TOX: variants seen among roughly 807,000 people sequenced by gnomAD.
TOX encodes thymocyte selection associated high mobility group box.
In TOX, 11 loss-of-function variants were observed where a neutral mutation model predicts 53.7. The observed-to-expected ratio is 0.20, with a 90% confidence interval of 0.13 to 0.34. The LOEUF is 0.34. Among genes scored for constraint, TOX ranks in the 10% least tolerant of loss-of-function variants. TOX has a pLI of 1.00. For missense variants in TOX, 570 were observed against 664.6 expected, an observed-to-expected ratio of 0.86 and a Z score of 1.56; for synonymous variants, 225 against 245.3, an observed-to-expected ratio of 0.92 and a Z score of 0.77.
chr8:59,084,682 T>G (rs1270767890), intron 1 of TOX, among the ~76,000 whole-genome samples: 1 of 152,230 alleles, frequency 6.6e-6, no homozygotes, highest in East Asian at 1.9e-4. Context: ...TTCTCTCCTG[T>G]CTTCCCACTG....
At chr8:58,814,295 C>T (rs1369270671) in intron 7 of TOX, 1 of 151,982 alleles carries the variant, frequency 6.6e-6, no homozygotes, top group Non-Finnish European at 1.5e-5. Context: ...TCTGTGTTTG[C>T]CTTATATCCT....
chr8:58,895,322 A>C (rs72649494), intron 3 of TOX, among the ~76,000 whole-genome samples: 2,181 of 152,332 alleles, frequency 0.014, 32 homozygotes, highest in South Asian at 0.023. Flanking sequence ...TAGAGGGTCT[A>C]TCTGTATAAA....
At chr8:58,812,973 T>C (rs1387437861) in intron 7 of TOX, among the ~76,000 whole-genome samples, 1 of 152,156 alleles carries the variant, frequency 6.6e-6, no homozygotes, top group East Asian at 1.9e-4. Flanking sequence ...GTTAAAAGAG[T>C]TCTTAGTCAA....
chr8:58,809,875 A>C (rs746295404), intron 7 of TOX, among the ~76,000 whole-genome samples: 17 of 152,252 alleles, frequency 1.1e-4, no homozygotes, highest in Admixed American at 9.8e-4. Context: ...CTAGCCCATA[A>C]TAGTGGCTCA....
intron 3 of TOX, among the ~76,000 whole-genome samples, chr8:58,930,688 C>G (rs1392643006): frequency 6.6e-6 from 1 of 152,208 alleles, no homozygotes; most frequent in Non-Finnish European, 1.5e-5. Flanking sequence ...TACCCCTACA[C>G]ATGCCTGGAC....
At chr8:59,012,960 G>A (rs1353270477) in intron 1 of TOX, among the ~76,000 whole-genome samples, 1 of 150,754 alleles carries the variant, frequency 6.6e-6, no homozygotes, top group Non-Finnish European at 1.5e-5. Context: ...ACTGAGTCAG[G>A]AAACACTGGT....
At chr8:58,886,712 A>G (rs1811474437) in intron 3 of TOX, among the ~76,000 whole-genome samples, 1 of 152,074 alleles carries the variant, frequency 6.6e-6, no homozygotes, top group Non-Finnish European at 1.5e-5. Flanking sequence ...CAGGTTTATA[A>G]TGGATACTCT....
At chr8:58,852,626 G>A (rs1810844109) in intron 3 of TOX, among the ~76,000 whole-genome samples, 1 of 152,138 alleles carries the variant, frequency 6.6e-6, no homozygotes. Flanking sequence ...TATAAGAGGA[G>A]TATGGAGAAT....
At chr8:58,899,165 T>G (rs13268621) in intron 3 of TOX, among the ~76,000 whole-genome samples, 83,961 of 152,078 alleles carry the variant, frequency 0.55, 23,685 homozygotes, top group African/African-American at 0.66. Flanking sequence ...GTGGTAAAGA[T>G]CTGTAAGGTA....
intron 1 of TOX, among the ~76,000 whole-genome samples, chr8:59,031,150 G>A (rs1387733959): frequency 3.9e-5 from 6 of 152,164 alleles, no homozygotes; most frequent in African/African-American, 1.4e-4. Flanking sequence ...AAAGAACAAG[G>A]AAGAGATGAA....
chr8:58,998,486 C>G (rs1310701668), intron 1 of TOX, among the ~76,000 whole-genome samples: 1 of 74,464 alleles, frequency 1.3e-5, no homozygotes, highest in African/African-American at 5.4e-5. Context: ...CAGACTCCAT[C>G]TCAAAAGTAT....
At chr8:59,098,886 TC>T in intron 1 of TOX, among the ~76,000 whole-genome samples, 1 of 151,976 alleles carries the variant, frequency 6.6e-6, no homozygotes, top group African/African-American at 2.4e-5. Context: ...TTTAATATGC[TC>T]CAGTTGCCCT....
Position 58,843,071 on chromosome 8 carries a change from T to C in TOX, c.694-4760A>G, listed in dbSNP as rs1025881189. ...TGAGAGGCACTAGACTCTAAAGCTA[T>C]GGTGTTGCCCCCATTAAAGCAGACT... is the stretch of plus-strand genomic sequence containing the variant. On this transcript the variant is annotated intron_variant, in intron 4 of 8. Transcript: ENST00000361421. 8.5e-5 allele frequency among the ~76,000 whole-genome samples: 13 copies of C among 152,358 alleles called. No individual in the cohort carries two copies. In the South Asian group the frequency reaches 1.2e-3, roughly 15 times the overall value.
At chr8:58,927,249 G>A (rs16924245) in intron 3 of TOX, among the ~76,000 whole-genome samples, 1,977 of 152,276 alleles carry the variant, frequency 0.013, 57 homozygotes, top group African/African-American at 0.046. Context: ...GAAGAGGGCA[G>A]AACTGTGAAT....
At position 58,988,790 on chromosome 8, in the gene TOX, TATTTC is replaced by T. The variant is rs1375466187; in HGVS notation, c.103-28787_103-28783del. Reference sequence around the variant, plus strand: ...AAGTGAGGTGTGTTATTTCATGCAGTATTTCCCAGACTTATTTGACTTATGGTGTA... The same window carrying T: ...AAGTGAGGTGTGTTATTTCATGCAGTCCAGACTTATTTGACTTATGGTGTA... On this transcript the variant is annotated intron_variant, in intron 1 of 8. Transcript: ENST00000361421. Among the ~76,000 whole-genome samples, 369 of 152,294 alleles carry T rather than the reference TATTTC, an allele frequency of 2.4e-3. 1 individual carries two copies. The highest frequency in any genetic ancestry group is 4.6e-3 in the Non-Finnish European group (312 of 68,028).
chr8:59,105,062 A>G (rs1351170782), intron 1 of TOX, among the ~76,000 whole-genome samples: 1 of 152,234 alleles, frequency 6.6e-6, no homozygotes, highest in Non-Finnish European at 1.5e-5. Flanking sequence ...CTGAAAATGA[A>G]TTAAGTGTCC....
chr8:59,043,521 C>G (rs768980754), intron 1 of TOX, among the ~76,000 whole-genome samples: 1 of 152,014 alleles, frequency 6.6e-6, no homozygotes, highest in Admixed American at 6.6e-5. Flanking sequence ...TATAGCTAAA[C>G]TAATGTTCAT....
intron 1 of TOX, among the ~76,000 whole-genome samples, chr8:59,086,521 T>G (rs1483935991): frequency 2.0e-5 from 3 of 152,224 alleles, no homozygotes; most frequent in African/African-American, 7.2e-5. Context: ...CACTTAAATT[T>G]TAAGTCACTA....
chr8:59,026,194 A>G lies in TOX; in HGVS notation c.103-66186T>C, dbSNP rs574575350. Among the ~76,000 whole-genome samples, 3 of 152,110 alleles carry G rather than the reference A, an allele frequency of 2.0e-5. No homozygotes were observed. In the South Asian group the frequency reaches 6.2e-4, roughly 32 times the overall value. ...AGTGGAGTCAATATTGAAACTGCAC[A>G]ATAACCGTGTACACTTTGGATCTGT... On this transcript the variant is annotated intron_variant, in intron 1 of 8. Transcript: ENST00000361421.
Sources: allele counts gnomAD v4.1 joint callset (sites outside exome capture counted in the v4.1 genomes callset), GRCh38; gene constraint gnomAD v4.1.1; transcripts MANE v1.5; gene names NCBI Gene and HGNC (gene_info 2026-07-23, HGNC 2026-07-21).